PUS7: variants seen among roughly 807,000 people sequenced by gnomAD.
PUS7 encodes the protein pseudouridine synthase 7.
A neutral mutation model predicts 79.8 loss-of-function variants in PUS7; 48 were observed. The observed-to-expected ratio is 0.60, with a 90% CI of 0.48 to 0.76. The LOEUF (loss-of-function observed/expected upper bound fraction) is 0.76. Ranked by LOEUF, PUS7 falls within the 30% of genes least tolerant of loss-of-function variation. PUS7 has a pLI of 0.00. For missense variants in PUS7, 729 were observed against 797.6 expected, an observed-to-expected ratio of 0.91 and a Z score of 1.04; for synonymous variants, 286 against 272.2, an observed-to-expected ratio of 1.05 and a Z score of -0.50.
At chr7:105,503,536 T>C (rs1825337118) in intron 4 of PUS7, among the ~76,000 whole-genome samples, 1 of 152,142 alleles carries the variant, frequency 6.6e-6, no homozygotes, top group Non-Finnish European at 1.5e-5. Flanking sequence ...CAACCACAAA[T>C]GTGTGTGTAT....
At chr7:105,515,604 T>G (rs552083660) in intron 1 of PUS7, among the ~76,000 whole-genome samples, 1 of 152,202 alleles carries the variant, frequency 6.6e-6, no homozygotes, top group African/African-American at 2.4e-5. Context: ...CATTTTTCAT[T>G]GTTTAAGTCA....
chr7:105,479,651 C>A (rs1242084849), intron 9 of PUS7, among the ~76,000 whole-genome samples: 3 of 152,170 alleles, frequency 2.0e-5, no homozygotes, highest in Admixed American at 2.0e-4. Flanking sequence ...AAGTAAATGA[C>A]AATTCTTAAA....
chr7:105,487,591 A>C (rs1407266758), intron 7 of PUS7, among the ~76,000 whole-genome samples: 1 of 152,178 alleles, frequency 6.6e-6, no homozygotes, highest in Non-Finnish European at 1.5e-5. Context: ...TCATGATACT[A>C]TTCACAGTTT....
chr7:105,471,297 ACT>A (rs1387725595), intron 10 of PUS7, among the ~76,000 whole-genome samples: 1 of 152,124 alleles, frequency 6.6e-6, no homozygotes, highest in East Asian at 1.9e-4. Context: ...TTTTAGAGAT[ACT>A]CTTTGGAAAG....
intron 9 of PUS7, among the ~76,000 whole-genome samples, chr7:105,480,316 T>C (rs1164153631): frequency 1.3e-5 from 2 of 150,546 alleles, no homozygotes; most frequent in African/African-American, 4.9e-5. Context: ...CTACTAAAAA[T>C]ACAACAAAGT....
At chr7:105,475,992 G>A (rs528932558) in intron 9 of PUS7, among the ~76,000 whole-genome samples, 4 of 152,020 alleles carry the variant, frequency 2.6e-5, no homozygotes, top group African/African-American at 9.6e-5. Context: ...AGTTTCCAAT[G>A]CTTACCCACG....
intron 6 of PUS7, among the ~76,000 whole-genome samples, chr7:105,492,889 C>A (rs568070824): frequency 1.3e-5 from 2 of 152,250 alleles, no homozygotes; most frequent in South Asian, 2.1e-4. Flanking sequence ...GTGATCCACC[C>A]GCCTCGGCCT....
intron 9 of PUS7, among the ~76,000 whole-genome samples, chr7:105,477,488 A>G (rs1824159944): frequency 6.6e-6 from 1 of 151,660 alleles, no homozygotes. Context: ...GACCTCAAGC[A>G]ATCCGCCACC....
At chr7:105,506,486 G>A (rs1019544809) in intron 2 of PUS7, among the ~76,000 whole-genome samples, 2 of 150,412 alleles carry the variant, frequency 1.3e-5, no homozygotes, top group Admixed American at 6.7e-5. Flanking sequence ...GCAGTGGCTC[G>A]ATCTCCACTC....
intron 1 of PUS7, among the ~76,000 whole-genome samples, chr7:105,511,678 T>C (rs191071430): frequency 6.6e-6 from 1 of 151,980 alleles, no homozygotes; most frequent in East Asian, 2.0e-4. Context: ...GGAGAATCGT[T>C]TGAACCCAGG....
intron 4 of PUS7, among the ~76,000 whole-genome samples, chr7:105,505,003 ATTT>A (rs112752687): frequency 1.4e-5 from 2 of 142,668 alleles, no homozygotes; most frequent in Non-Finnish European, 1.5e-5. Flanking sequence ...ATTTAACATA[ATTT>A]TTTTTTTTTT....
At chr7:105,476,071 C>T (rs193028629) in intron 9 of PUS7, among the ~76,000 whole-genome samples, 2 of 141,240 alleles carry the variant, frequency 1.4e-5, no homozygotes, top group East Asian at 4.2e-4. Flanking sequence ...TTGCAATGGG[C>T]TGAGATGGCG....
intron 5 of PUS7, chr7:105,496,983 C>A: frequency 8.2e-7 from 1 of 1,215,908 alleles, no homozygotes; most frequent in South Asian, 1.4e-5. Flanking sequence ...TGTCCAAATG[C>A]ACAGCATAAA....
intron 5 of PUS7, among the ~76,000 whole-genome samples, chr7:105,500,103 G>A (rs1825187500): frequency 6.6e-6 from 1 of 152,182 alleles, no homozygotes; most frequent in Non-Finnish European, 1.5e-5. Flanking sequence ...TTGAAGAAAT[G>A]TCACAACACC....
At chr7:105,482,203 C>G in intron 8 of PUS7, 109 bp downstream of exon 8, 12 of 1,323,916 alleles carry the variant, frequency 9.1e-6, no homozygotes, top group Non-Finnish European at 1.2e-5. Context: ...GCTGCCACTC[C>G]TGTTCTGTTA....
intron 9 of PUS7, among the ~76,000 whole-genome samples, chr7:105,473,313 G>A (rs1823950062): frequency 6.6e-6 from 1 of 152,002 alleles, no homozygotes; most frequent in African/African-American, 2.4e-5. Flanking sequence ...GCAGTGGCAT[G>A]ATCTTGGCTC....
chr7:105,492,075 A>AAT (rs1824806433), intron 6 of PUS7, among the ~76,000 whole-genome samples: 1 of 146,262 alleles, frequency 6.8e-6, no homozygotes, highest in African/African-American at 2.5e-5. Context: ...AAAAAAATCT[A>AAT]CTAAAACAAC....
chr7:105,478,892 G>A (rs1006957179), intron 9 of PUS7, among the ~76,000 whole-genome samples: 6 of 152,164 alleles, frequency 3.9e-5, no homozygotes, highest in African/African-American at 1.2e-4. Context: ...GGATAAATTT[G>A]ACCTCATTTT....
intron 1 of PUS7, among the ~76,000 whole-genome samples, chr7:105,515,416 T>G (rs528861756): frequency 5.3e-5 from 8 of 152,204 alleles, no homozygotes; most frequent in Non-Finnish European, 8.8e-5. Context: ...TGCACTTGAA[T>G]AATTTCTCTT....
Sources: allele counts gnomAD v4.1 joint callset (sites outside exome capture counted in the v4.1 genomes callset), GRCh38; gene constraint gnomAD v4.1.1; transcripts MANE v1.5; gene names NCBI Gene and HGNC (gene_info 2026-07-23, HGNC 2026-07-21).